CNTLN: variants seen among roughly 807,000 people sequenced by gnomAD.
CNTLN encodes the protein centlein, centrosomal protein.
In CNTLN, 212 loss-of-function variants were observed where a neutral mutation model predicts 180.0. The ratio of observed to expected loss-of-function variants is 1.18; its 90% CI spans 1.05 to 1.32. The LOEUF (loss-of-function observed/expected upper bound fraction) is 1.32, where lower values mean the gene tolerates loss of function less well. CNTLN is among the 40% of genes most tolerant of loss of function. The pLI is 0.00. For synonymous variants in CNTLN, 722 were observed against 563.1 expected, an observed-to-expected ratio of 1.28 and a Z score of -3.99; for missense variants, 2,095 against 1,610.9, an observed-to-expected ratio of 1.30 and a Z score of -5.14.
At chr9:17,362,755 A>G (rs1274611365) in intron 12 of CNTLN, among the ~76,000 whole-genome samples, 2 of 151,860 alleles carry the variant, frequency 1.3e-5, no homozygotes, top group Non-Finnish European at 2.9e-5. Flanking sequence ...TTTTAAAATT[A>G]TACTTTAAGT....
chr9:17,349,499 A>C (rs10963057), intron 12 of CNTLN, among the ~76,000 whole-genome samples: 2 of 151,894 alleles, frequency 1.3e-5, no homozygotes, highest in Non-Finnish European at 2.9e-5. Context: ...ACTTTTAAAG[A>C]CTTTTATAAA....
chr9:17,475,707 C>G (rs921646363), intron 23 of CNTLN, among the ~76,000 whole-genome samples: 33 of 151,922 alleles, frequency 2.2e-4, no homozygotes, highest in African/African-American at 7.0e-4. Context: ...TCCGTCTCTA[C>G]TATAACTACA....
chr9:17,245,875 T>A (rs1478747427), intron 5 of CNTLN, among the ~76,000 whole-genome samples: 3 of 152,048 alleles, frequency 2.0e-5, no homozygotes, highest in Non-Finnish European at 4.4e-5. Context: ...TTCCAGAATT[T>A]CTGCTTTATT....
At chr9:17,226,056 A>G (rs566274221) in intron 2 of CNTLN, 147 bp from the exon 3 acceptor site, 10 of 418,170 alleles carry the variant, frequency 2.4e-5, no homozygotes, top group Non-Finnish European at 3.9e-5. Context: ...AGTTTTCAGC[A>G]GTTGTAAGTT....
the CNTLN span, among the ~76,000 whole-genome samples, chr9:17,512,675 A>G: frequency 2.0e-5 from 3 of 152,318 alleles, 1 homozygote; most frequent in East Asian, 5.8e-4. Context: ...AAAAAAGAAT[A>G]CTTTTCAAAA....
Position 17,395,015 on chromosome 9 carries a change from G to A in CNTLN, c.2561G>A (p.Ser854Asn). Residue 854 changes from serine to asparagine, a missense_variant, in exon 15 of 26, where the codon AGC becomes AAC. Transcript: ENST00000380647. ...TVLNHSIKVM[S>N]NVFENLSKDG... The stretch of plus-strand genomic sequence containing the variant: ...CTCAATCATTCCATCAAGGTTATGA[G>A]CAATGTGTTTGAGAACCTCAGCAAG... The A allele has an allele frequency of 1.2e-6, 2 of 1,613,394 alleles. No individual in the cohort carries two copies. The highest frequency in any genetic ancestry group is 2.2e-5 in the East Asian group (1 of 44,862).
chr9:17,383,580 T>C (rs1825436449), intron 13 of CNTLN, among the ~76,000 whole-genome samples: 1 of 151,960 alleles, frequency 6.6e-6, no homozygotes, highest in Non-Finnish European at 1.5e-5. Context: ...GTATTAGGAA[T>C]ATAGAGAAAT....
At chr9:17,261,099 G>A (rs543818742) in intron 5 of CNTLN, among the ~76,000 whole-genome samples, 1 of 151,462 alleles carries the variant, frequency 6.6e-6, no homozygotes, top group Non-Finnish European at 1.5e-5. Context: ...ATAGTTTGAG[G>A]TTGGATAATG....
intron 2 of CNTLN, among the ~76,000 whole-genome samples, chr9:17,145,468 A>C (rs1370072296): frequency 6.6e-6 from 1 of 152,170 alleles, no homozygotes; most frequent in African/African-American, 2.4e-5. Flanking sequence ...CAAATAGATG[A>C]TCTTTCTGTA....
chr9:17,391,397 A>G (rs1826104145), intron 14 of CNTLN, among the ~76,000 whole-genome samples: 1 of 152,164 alleles, frequency 6.6e-6, no homozygotes, highest in African/African-American at 2.4e-5. Flanking sequence ...TATGTTTGAT[A>G]TGACTTCCTT....
At chr9:17,402,066 A>G (rs1827020715) in intron 15 of CNTLN, among the ~76,000 whole-genome samples, 1 of 151,866 alleles carries the variant, frequency 6.6e-6, no homozygotes, top group African/African-American at 2.4e-5. Flanking sequence ...TGTAGCAGAC[A>G]GAGGTGGTAT....
At chr9:17,214,192 C>G (rs142209406) in intron 2 of CNTLN, among the ~76,000 whole-genome samples, 1 of 152,278 alleles carries the variant, frequency 6.6e-6, no homozygotes, top group African/African-American at 2.4e-5. Context: ...GTGACTGGTA[C>G]CGGTTGTTCC....
intron 2 of CNTLN, among the ~76,000 whole-genome samples, chr9:17,152,067 C>G (rs1249050388): frequency 6.6e-6 from 1 of 152,034 alleles, no homozygotes; most frequent in Admixed American, 6.6e-5. Flanking sequence ...CTTTATTAGT[C>G]TGGCTAGCAG....
At chr9:17,219,424 C>T (rs964356058) in intron 2 of CNTLN, among the ~76,000 whole-genome samples, 1 of 151,840 alleles carries the variant, frequency 6.6e-6, no homozygotes, top group African/African-American at 2.4e-5. Flanking sequence ...GAGCATTTTC[C>T]TGTTATGAAA....
chr9:17,290,325 G>A (rs1350684441), intron 6 of CNTLN, among the ~76,000 whole-genome samples: 1 of 151,316 alleles, frequency 6.6e-6, no homozygotes, highest in Non-Finnish European at 1.5e-5. Flanking sequence ...CTGCTCGGGG[G>A]TCAGGGGTCA....
chr9:17,487,902 A>T (rs985867980), intron 25 of CNTLN, among the ~76,000 whole-genome samples: 1 of 152,146 alleles, frequency 6.6e-6, no homozygotes, highest in Non-Finnish European at 1.5e-5. Context: ...CATCACTGAC[A>T]GCATGTAATG....
Position 17,226,188 on chromosome 9 carries a change from A to G in CNTLN, c.450-15A>G, listed in dbSNP as rs761242276. 23 of 1,422,264 alleles carry G rather than the reference A, an allele frequency of 1.6e-5. No homozygotes were observed. The Middle Eastern group carries it at 5.6e-4, about 35-fold the overall frequency. The allele number at this position is 1,422,264 out of a possible 1,614,324, so 88.1% of individuals were successfully genotyped here. A position where few individuals can be genotyped will look rare whatever the true frequency, so the allele number is the denominator to read the frequency against. On this transcript the variant is annotated splice_polypyrimidine_tract_variant and intron_variant, in intron 2 of 25. Coordinates refer to ENST00000380647, the MANE Select transcript of CNTLN (RefSeq NM_017738.4). ...ACCAGTTATGACTAATAAACTCTCT[A>G]TATTTTATATCTAGAGAAAAACAGA...
chr9:17,475,639 G>A (rs1334059183), intron 23 of CNTLN, among the ~76,000 whole-genome samples: 10 of 151,928 alleles, frequency 6.6e-5, no homozygotes, highest in Admixed American at 5.9e-4. Context: ...TCGGGAGGCC[G>A]AGGTGGGTGG....
chr9:17,526,196 A>G, the CNTLN span, among the ~76,000 whole-genome samples: 9 of 152,164 alleles, frequency 5.9e-5, no homozygotes, highest in Non-Finnish European at 1.3e-4. Flanking sequence ...CGGCCTCCCA[A>G]AGTGCTGGGA....
Sources: allele counts gnomAD v4.1 joint callset (sites outside exome capture counted in the v4.1 genomes callset), GRCh38; gene constraint gnomAD v4.1.1; transcripts MANE v1.5; gene names NCBI Gene and HGNC (gene_info 2026-07-23, HGNC 2026-07-21).